Variants in FAT3 observed in about 807,000 individuals in gnomAD.
The protein encoded by FAT3 is protocadherin Fat 3.
In FAT3, 95 loss-of-function variants were observed where a neutral mutation model predicts 310.2. The ratio of observed to expected loss-of-function variants is 0.31; its 90% CI spans 0.26 to 0.36. The LOEUF (loss-of-function observed/expected upper bound fraction) is 0.36, where lower values mean the gene tolerates loss of function less well. FAT3 is among the 10% of genes least tolerant of loss of function. The pLI, the probability that FAT3 is intolerant of heterozygous loss-of-function variation, is 1.00. For synonymous variants in FAT3, 2,314 were observed against 2,192.9 expected (o/e 1.06, Z -1.54); for missense variants, 5,408 against 5,715.6 (o/e 0.95, Z 1.74).
intron 1 of FAT3, among the ~76,000 whole-genome samples, chr11:92,227,250 G>T (rs2134216164): frequency 6.6e-6 from 1 of 152,350 alleles, no homozygotes; most frequent in East Asian, 1.9e-4. Flanking sequence ...CCCGACGCTA[G>T]TCTTTTCAAA....
At chr11:92,668,048 C>T (rs1351198052) in intron 3 of FAT3, among the ~76,000 whole-genome samples, 1 of 152,174 alleles carries the variant, frequency 6.6e-6, no homozygotes, top group Non-Finnish European at 1.5e-5. Context: ...AGCATGAAAG[C>T]TGCATTGCTT....
At chr11:92,374,634 G>T (rs572775958) in intron 2 of FAT3, among the ~76,000 whole-genome samples, 1 of 152,322 alleles carries the variant, frequency 6.6e-6, no homozygotes, top group South Asian at 2.1e-4. Flanking sequence ...ATGCAGATTT[G>T]TTAAGCATAG....
At chr11:92,226,275 C>G (rs1444800984) in intron 1 of FAT3, among the ~76,000 whole-genome samples, 1 of 152,244 alleles carries the variant, frequency 6.6e-6, no homozygotes, top group East Asian at 1.9e-4. Flanking sequence ...GTGCTGTGAT[C>G]TGAATTCCCT....
At chr11:92,534,458 T>TG (rs1206753250) in intron 3 of FAT3, among the ~76,000 whole-genome samples, 4 of 152,156 alleles carry the variant, frequency 2.6e-5, no homozygotes, top group African/African-American at 9.7e-5. Context: ...TAGAACTTTG[T>TG]GGGGAAAGTC....
At chr11:92,743,422 A>G (rs769182208) in intron 4 of FAT3, among the ~76,000 whole-genome samples, 1 of 152,208 alleles carries the variant, frequency 6.6e-6, no homozygotes, top group Non-Finnish European at 1.5e-5. Context: ...GAGAGATGCA[A>G]TGGTTTAGGC....
intron 3 of FAT3, among the ~76,000 whole-genome samples, chr11:92,541,839 C>T (rs1270821776): frequency 1.3e-5 from 2 of 151,970 alleles, no homozygotes; most frequent in African/African-American, 2.4e-5. Flanking sequence ...AGGAGAAATA[C>T]GGGAGTTGGT....
intron 2 of FAT3, among the ~76,000 whole-genome samples, chr11:92,394,284 C>T (rs1053484155): frequency 4.6e-5 from 7 of 152,084 alleles, no homozygotes; most frequent in Non-Finnish European, 8.8e-5. Context: ...GCCTGGGCAA[C>T]ATGGCAAAAC....
intron 2 of FAT3, among the ~76,000 whole-genome samples, chr11:92,479,874 A>G (rs911360254): frequency 9.2e-5 from 14 of 152,216 alleles, no homozygotes; most frequent in Admixed American, 4.6e-4. Flanking sequence ...ACTGCTGTCC[A>G]TCTCGTCTAT....
rs1047271021 is a variant in FAT3, at chr11:92,834,733, T to G, written c.9872-137T>G. 6.8e-6 allele frequency: 5 copies of G among 732,658 alleles called. No individual in the cohort carries two copies. In the Admixed American group the frequency reaches 8.5e-5, roughly 13 times the overall value. The allele number at this position is 732,658 out of a possible 1,614,324, so 45.4% of individuals were successfully genotyped here. On this transcript the variant is annotated intron_variant, in intron 14 of 27. Coordinates refer to ENST00000525166, the MANE Select transcript of FAT3 (RefSeq NM_001367949.2). ...AATCAGACGTCTGTAATACTTTCAG[T>G]AAGGCATTAAATAAACAAATTCCTG...
intron 4 of FAT3, among the ~76,000 whole-genome samples, chr11:92,737,818 G>A (rs924684271): frequency 6.6e-6 from 1 of 152,056 alleles, no homozygotes; most frequent in Admixed American, 6.6e-5. Flanking sequence ...GCCATACAGT[G>A]TCAAGAATTG....
intron 9 of FAT3, 48 bp downstream of exon 9, chr11:92,793,025 G>C (rs372312425): frequency 1.3e-6 from 2 of 1,559,084 alleles, no homozygotes; most frequent in African/African-American, 2.7e-5. Flanking sequence ...CAAGGCATTC[G>C]ACCCTCAGTA....
At chr11:92,359,186 G>C (rs1221735082) in intron 2 of FAT3, among the ~76,000 whole-genome samples, 1 of 151,994 alleles carries the variant, frequency 6.6e-6, no homozygotes, top group African/African-American at 2.4e-5. Context: ...AAATTTACTT[G>C]AGCTCCTCAG....
At chr11:92,246,556 G>A (rs1251926303) in intron 1 of FAT3, among the ~76,000 whole-genome samples, 1 of 152,066 alleles carries the variant, frequency 6.6e-6, no homozygotes, top group African/African-American at 2.4e-5. Context: ...AGCAGGGGGA[G>A]GAGGAGAAGA....
At chr11:92,286,065 C>G (rs1318935323) in intron 1 of FAT3, among the ~76,000 whole-genome samples, 2 of 152,066 alleles carry the variant, frequency 1.3e-5, no homozygotes, top group Non-Finnish European at 2.9e-5. Context: ...CCCTCTCTCT[C>G]CCTGGAGACT....
intron 3 of FAT3, among the ~76,000 whole-genome samples, chr11:92,537,992 G>A (rs773278190): frequency 3.9e-5 from 6 of 152,014 alleles, no homozygotes; most frequent in Non-Finnish European, 8.8e-5. Flanking sequence ...AGTTTTCATC[G>A]ATGCTATTTG....
At chr11:92,791,935 G>A (rs1471962708) in intron 8 of FAT3, among the ~76,000 whole-genome samples, 1 of 152,210 alleles carries the variant, frequency 6.6e-6, no homozygotes. Context: ...AAATGGTTGT[G>A]TAAAGTGTGA....
intron 3 of FAT3, among the ~76,000 whole-genome samples, chr11:92,687,122 A>G (rs1284096836): frequency 6.6e-6 from 1 of 152,204 alleles, no homozygotes; most frequent in Admixed American, 6.5e-5. Context: ...AGGGTTTTTA[A>G]TAAAAATAAA....
chr11:92,714,214 C>G (rs1944607757), intron 4 of FAT3, among the ~76,000 whole-genome samples: 1 of 152,164 alleles, frequency 6.6e-6, no homozygotes, highest in South Asian at 2.1e-4. Context: ...TCCGAATTCA[C>G]TTAGCACTTT....
At chr11:92,268,150 C>T (rs1171039302) in intron 1 of FAT3, among the ~76,000 whole-genome samples, 1 of 151,952 alleles carries the variant, frequency 6.6e-6, no homozygotes, top group Non-Finnish European at 1.5e-5. Context: ...AGTACCTTAT[C>T]TCATTTAATC....
Sources: allele counts gnomAD v4.1 joint callset (sites outside exome capture counted in the v4.1 genomes callset), GRCh38; gene constraint gnomAD v4.1.1; transcripts MANE v1.5; gene names NCBI Gene and HGNC (gene_info 2026-07-23, HGNC 2026-07-21).